The following NUBPL variants were observed in gnomAD, a reference collection of about 807,000 sequenced individuals.
NUBPL encodes iron-sulfur cluster transfer protein NUBPL.
Under a neutral mutation model 45.7 loss-of-function variants are expected in NUBPL, and 31 were observed. The observed-to-expected ratio is 0.68, with a 90% CI of 0.51 to 0.92. NUBPL has a LOEUF of 0.92. NUBPL is among the 40% of genes least tolerant of loss of function. The pLI, the probability that NUBPL is intolerant of heterozygous loss-of-function variation, is 0.00. For synonymous variants in NUBPL, 144 were observed against 140.9 expected, an observed-to-expected ratio of 1.02 and a Z score of -0.15; for missense variants, 401 against 398.7, an observed-to-expected ratio of 1.01 and a Z score of -0.05.
chr14:31,635,117 C>G (rs7494052), intron 4 of NUBPL, among the ~76,000 whole-genome samples: 63,276 of 141,274 alleles, frequency 0.45, 15,542 homozygotes, highest in East Asian at 0.59. Context: ...GTCAATTTTG[C>G]CTTTTGTTGC....
At chr14:31,838,690 T>G (rs2139004779) in intron 8 of NUBPL, among the ~76,000 whole-genome samples, 1 of 152,284 alleles carries the variant, frequency 6.6e-6, no homozygotes, top group Middle Eastern at 3.4e-3. Flanking sequence ...CTTAAGTACT[T>G]TTTTGTGTGT....
chr14:31,572,825 A>G (rs1222629220), intron 3 of NUBPL, among the ~76,000 whole-genome samples: 1 of 152,236 alleles, frequency 6.6e-6, no homozygotes, highest in African/African-American at 2.4e-5. Flanking sequence ...CACCTAAGCT[A>G]TATGGTATAA....
intron 6 of NUBPL, among the ~76,000 whole-genome samples, chr14:31,754,631 A>G (rs1412941378): frequency 7.4e-6 from 1 of 136,016 alleles, no homozygotes; most frequent in African/African-American, 2.8e-5. Flanking sequence ...GATCTTGCCA[A>G]TAGATTCATT....
At chr14:31,718,477 T>C (rs2037736435) in intron 6 of NUBPL, among the ~76,000 whole-genome samples, 1 of 152,166 alleles carries the variant, frequency 6.6e-6, no homozygotes, top group African/African-American at 2.4e-5. Flanking sequence ...GATTCTGTCA[T>C]ATGGCCAGAA....
At position 31,787,161 on chromosome 14, in the gene NUBPL, A is replaced by G. The variant is rs531698526; in HGVS notation, c.514-619A>G. ...TAGAGACTAGGGACTCAGAAGGAAG[A>G]AGTATCTGAGGAGTAAAGAACCTGA... On this transcript the variant is annotated intron_variant, in intron 6 of 10. Coordinates refer to ENST00000281081, the MANE Select transcript of NUBPL (RefSeq NM_025152.3). Among the ~76,000 whole-genome samples, 319 of 152,304 alleles carry G rather than the reference A, an allele frequency of 2.1e-3. 1 individual carries two copies. Among genetic ancestry groups the G allele is most frequent in the Non-Finnish European group, 3.5e-3 (239 of 68,026 alleles).
At chr14:31,611,485 G>A (rs2139600818) in intron 4 of NUBPL, among the ~76,000 whole-genome samples, 1 of 152,250 alleles carries the variant, frequency 6.6e-6, no homozygotes, top group East Asian at 1.9e-4. Flanking sequence ...TTGTTAAATT[G>A]TCCCTACTAT....
Position 31,635,689 on chromosome 14 carries a change from G to A in NUBPL, c.382+36310G>A, listed in dbSNP as rs1422042581. Among the ~76,000 whole-genome samples, 11 of 150,256 alleles carry A rather than the reference G, an allele frequency of 7.3e-5. No homozygotes were observed. The East Asian group carries it at 9.9e-4, about 14-fold the overall frequency. ...TATAAATTCCCTTGGGCAGTATGGC[G>A]ATTTTCATGATATTGATTCTTCCTA... On this transcript the variant is annotated intron_variant, in intron 4 of 10. Coordinates refer to ENST00000281081, the MANE Select transcript of NUBPL (RefSeq NM_025152.3).
chr14:31,638,797 T>A (rs2035588731), intron 4 of NUBPL, among the ~76,000 whole-genome samples: 1 of 152,146 alleles, frequency 6.6e-6, no homozygotes, highest in African/African-American at 2.4e-5. Flanking sequence ...TCTATTCTTT[T>A]TTCTCTAAAC....
chr14:31,727,959 T>C (rs2037962990), intron 6 of NUBPL, among the ~76,000 whole-genome samples: 1 of 152,182 alleles, frequency 6.6e-6, no homozygotes, highest in African/African-American at 2.4e-5. Context: ...TTATAAAATA[T>C]AATAGTCTTA....
At chr14:31,852,686 A>G (rs1267047294) in intron 10 of NUBPL, among the ~76,000 whole-genome samples, 1 of 152,150 alleles carries the variant, frequency 6.6e-6, no homozygotes, top group Non-Finnish European at 1.5e-5. Context: ...TAAAAATAAA[A>G]AAATCAGGGT....
At chr14:31,700,662 C>T (rs1298855419) in intron 6 of NUBPL, among the ~76,000 whole-genome samples, 2 of 148,918 alleles carry the variant, frequency 1.3e-5, no homozygotes, top group African/African-American at 2.6e-5. Flanking sequence ...GCCACTGGCC[C>T]CGGGCAGTGA....
intron 6 of NUBPL, among the ~76,000 whole-genome samples, chr14:31,756,038 T>C (rs1241628688): frequency 6.6e-6 from 1 of 152,078 alleles, no homozygotes; most frequent in Non-Finnish European, 1.5e-5. Flanking sequence ...CTGAGAGCTC[T>C]GTTCTGTTCC....
intron 7 of NUBPL, among the ~76,000 whole-genome samples, chr14:31,816,236 A>G (rs2039913209): frequency 6.6e-6 from 1 of 152,182 alleles, no homozygotes; most frequent in South Asian, 2.1e-4. Context: ...CAGGGATTCA[A>G]CTTTTTCCTG....
chr14:31,564,995 C>CT lies in NUBPL; in HGVS notation c.257-12dup. The stretch of plus-strand genomic sequence containing the variant: ...GAAGGAAAGTTACTAAATTCAATTA[C>CT]TTTTTTTGTTTCTTACAGTGAATCT... On this transcript the variant is annotated intron_variant, in intron 2 of 10. Coordinates refer to ENST00000281081, the MANE Select transcript of NUBPL (RefSeq NM_025152.3). 5.4e-6 allele frequency: 8 copies of CT among 1,468,414 alleles called. No homozygotes were observed. Among genetic ancestry groups the CT allele is most frequent in the Non-Finnish European group, 6.6e-6 (7 of 1,061,746 alleles). The allele number at this position is 1,468,414 out of a possible 1,614,324, so 91.0% of individuals were successfully genotyped here. A position where few individuals can be genotyped will look rare whatever the true frequency, so the allele number is the denominator to read the frequency against.
chr14:31,613,140 A>G (rs1467836001), intron 4 of NUBPL, among the ~76,000 whole-genome samples: 1 of 152,238 alleles, frequency 6.6e-6, no homozygotes, highest in Non-Finnish European at 1.5e-5. Context: ...TGTTATTTGC[A>G]ACAACATGGA....
Position 31,599,398 on chromosome 14 carries a change from A to T in NUBPL, c.382+19A>T, listed in dbSNP as rs748901975. On this transcript the variant is annotated intron_variant, in intron 4 of 10. Transcript: ENST00000281081. ...TCACAGAGTAAGTAAAGAAGGGATA[A>T]ATATTATAATAATAGTTGCACTTTT... The T allele has an allele frequency of 6.6e-6, 10 of 1,512,972 alleles. No individual in the cohort carries two copies. Among genetic ancestry groups the T allele is most frequent in the Non-Finnish European group, 8.3e-6 (9 of 1,090,072 alleles). The allele number at this position is 1,512,972 out of a possible 1,614,324, so 93.7% of individuals were successfully genotyped here. A position where few individuals can be genotyped will look rare whatever the true frequency, so the allele number is the denominator to read the frequency against.
At chr14:31,825,629 C>T (rs1029207408) in intron 7 of NUBPL, among the ~76,000 whole-genome samples, 2 of 120,024 alleles carry the variant, frequency 1.7e-5, no homozygotes, top group Admixed American at 8.1e-5. Context: ...TCCTCCTCCT[C>T]CTCCTCCCCT....
intron 7 of NUBPL, among the ~76,000 whole-genome samples, chr14:31,789,062 C>T (rs1018403704): frequency 1.3e-5 from 2 of 152,178 alleles, no homozygotes; most frequent in African/African-American, 4.8e-5. Context: ...TGCAGTGGCT[C>T]ACGCCTGTAA....
chr14:31,638,223 G>A, intron 4 of NUBPL, among the ~76,000 whole-genome samples: 1 of 152,118 alleles, frequency 6.6e-6, no homozygotes, highest in Non-Finnish European at 1.5e-5. Context: ...GCAGCAGCTA[G>A]TACCGGTTGT....
Sources: allele counts gnomAD v4.1 joint callset (sites outside exome capture counted in the v4.1 genomes callset), GRCh38; gene constraint gnomAD v4.1.1; transcripts MANE v1.5; gene names NCBI Gene and HGNC (gene_info 2026-07-23, HGNC 2026-07-21).